SMO: variants seen among roughly 807,000 people sequenced by gnomAD.
SMO encodes protein smoothened.
Under a neutral mutation model 81.6 loss-of-function variants are expected in SMO, and 40 were observed. The ratio of observed to expected loss-of-function variants is 0.49; its 90% CI spans 0.38 to 0.64. The LOEUF is 0.64. Ranked by LOEUF, SMO falls within the 30% of genes least tolerant of loss-of-function variation. The probability of loss-of-function intolerance (pLI) is 0.00; values close to 1 mark genes in which losing one functional copy is unlikely to be tolerated. For synonymous variants in SMO, 434 were observed against 432.1 expected (o/e 1.00, Z -0.05); for missense variants, 916 against 1,061.1 (o/e 0.86, Z 1.90).
Position 129,211,502 on chromosome 7 carries a change from GGT to G in SMO, c.1802-133_1802-132del. On this transcript the variant is annotated intron_variant, in intron 10 of 11. Transcript: ENST00000249373. The surrounding 1 kb of genome is among the most constrained non-coding windows in gnomAD (Gnocchi z 4.6). ...ATTCTGAAGGGGTAGAGATCACCGT[GGT>G]TACAGGGTGAGCTTTCTCTGGTGAG... 1 of 973,338 alleles carries G rather than the reference GGT, an allele frequency of 1.0e-6. No homozygotes were observed. The highest frequency in any genetic ancestry group is 1.6e-6 in the Non-Finnish European group (1 of 617,492). The allele number at this position is 973,338 out of a possible 1,614,324, so 60.3% of individuals were successfully genotyped here.
At chr7:129,199,182 C>CAT in intron 1 of SMO, among the ~76,000 whole-genome samples, 1 of 126,626 alleles carries the variant, frequency 7.9e-6, no homozygotes, top group Admixed American at 8.7e-5. Context: ...ATTTTCTTTT[C>CAT]TTTTTTTTTT....
At chr7:129,205,516 G>A (rs748920078) in intron 3 of SMO, 94 bp from the exon 4 acceptor site, 86 of 1,519,648 alleles carry the variant, frequency 5.7e-5, no homozygotes, top group Non-Finnish European at 7.6e-5. Context: ...CCCCAGGGAA[G>A]GGTCATGATC....
rs1308948991 is a variant in SMO at position 129,189,405 on chromosome 7, A to G, written c.254A>G (p.Tyr85Cys). 13 of 1,537,832 alleles carry G rather than the reference A, an allele frequency of 8.5e-6. No individual in the cohort carries two copies. Among genetic ancestry groups the G allele is most frequent in the Non-Finnish European group, 1.1e-5 (13 of 1,146,714 alleles). Residue 85 changes from tyrosine (Y) to cysteine (C), a missense_variant, in exon 1 of 12, where the codon TAC becomes TGC. By Grantham distance (194) the Tyr-to-Cys change is radical (BLOSUM62 -2). This residue lies in a region of SMO where 146 missense variants were observed against 149.9 expected (regional missense o/e 0.97). Transcript: ENST00000249373. The surrounding 1 kb of genome is among the most constrained non-coding windows in gnomAD (Gnocchi z 4.7). The stretch of plus-strand genomic sequence containing the variant: ...GTGTGCCTGGGCTCGGTGCTGCCCT[A>G]CGGGGCCACCTCCACACTGCTGGCC... ...YNVCLGSVLP[Y>C]GATSTLLAGD... is the part of the protein sequence containing the mutation.
intron 1 of SMO, among the ~76,000 whole-genome samples, chr7:129,190,047 C>G (rs531833869): frequency 6.6e-6 from 1 of 152,270 alleles, no homozygotes; most frequent in South Asian, 2.1e-4. Flanking sequence ...AGGAATGAAG[C>G]CTAGAGAACT....
In SMO at chr7:129,205,829, G is replaced by A. The variant is rs145035157; in HGVS notation, c.920+47G>A. 202 of 1,560,184 alleles carry A rather than the reference G, an allele frequency of 1.3e-4. No homozygotes were observed. In the African/African-American group the frequency reaches 2.2e-3, roughly 17 times the overall value. On this transcript the variant is annotated intron_variant, in intron 4 of 11. Transcript: ENST00000249373. ...AGGTGAAGGTACAGGGAGGAAGGCT[G>A]AAGTGTGCGTTTACCCCAAAGGGAG...
At chr7:129,205,480 G>T in intron 3 of SMO, 68 bp downstream of exon 3, 1 of 1,559,602 alleles carries the variant, frequency 6.4e-7, no homozygotes, top group South Asian at 1.1e-5. Flanking sequence ...CAGAGGGAAG[G>T]GGGGCAAAGA....
At position 129,210,952 on chromosome 7, in the gene SMO, C is replaced by T. The variant is rs2150654484; in HGVS notation, c.1653-13C>T. On this transcript the variant is annotated splice_polypyrimidine_tract_variant and intron_variant, in intron 9 of 11. Coordinates refer to ENST00000249373, the MANE Select transcript of SMO (RefSeq NM_005631.5). This position sits in a 1 kb window ranked among gnomAD's most constrained non-coding sequence, Gnocchi z 4.7. ...GCTTCTTCACGCTCCTTCCCTATCC[C>T]TTCTGCTCTCAGGTTGACTGGGCAG... is the stretch of plus-strand genomic sequence containing the variant. 2 of 1,596,958 alleles carry T rather than the reference C, an allele frequency of 1.3e-6. No homozygotes were observed. The highest frequency in any genetic ancestry group is 1.7e-6 in the Non-Finnish European group (2 of 1,171,034).
chr7:129,203,837 G>A (rs1212366329), intron 2 of SMO, among the ~76,000 whole-genome samples: 1 of 152,166 alleles, frequency 6.6e-6, no homozygotes, highest in East Asian at 1.9e-4. Context: ...GCTGTTGGGT[G>A]TTGTGGTGTT....
Position 129,201,475 on chromosome 7 carries a change from A to G in SMO, c.332-1909A>G, listed in dbSNP as rs115594857. On this transcript the variant is annotated intron_variant, in intron 1 of 11. Coordinates refer to ENST00000249373, the MANE Select transcript of SMO (RefSeq NM_005631.5). ...ATTGACTTTTTCTTGTACAGTTCTA[A>G]GTTTAGACAAACACATAGACTTATG... Among the ~76,000 whole-genome samples the G allele has an allele frequency of 4.7e-3, 714 of 152,290 alleles. 7 individuals are homozygous for G. Among genetic ancestry groups the G allele is most frequent in the African/African-American group, 0.017 (687 of 41,556 alleles).
chr7:129,212,559 G>T lies in SMO; in HGVS notation c.*108G>T. The T allele has an allele frequency of 9.2e-7, 1 of 1,082,078 alleles. No individual in the cohort carries two copies. 67.0% of individuals were successfully genotyped at this position (1,082,078 alleles called of 1,614,324 possible). A position where few individuals can be genotyped will look rare whatever the true frequency, so the allele number is the denominator to read the frequency against. On this transcript the variant is annotated 3_prime_UTR_variant, in exon 12 of 12. Transcript: ENST00000249373. This position sits in a 1 kb window ranked among gnomAD's most constrained non-coding sequence, Gnocchi z 5.0. ...GGATCCCGTCTTCCAGAGAACCTGT[G>T]GGCTGACTGCCCTCCGAAGAGAGTT...
intron 1 of SMO, among the ~76,000 whole-genome samples, chr7:129,197,229 C>A (rs543642229): frequency 6.6e-6 from 1 of 152,070 alleles, no homozygotes; most frequent in Non-Finnish European, 1.5e-5. Context: ...TGAAGGCTTC[C>A]AGTACATTGT....
At position 129,210,575 on chromosome 7, in the gene SMO, C is replaced by T; in HGVS notation, c.1652+27C>T. ...TGGGCATGGCAGCCAGCCCCTCCTG[C>T]CCTGCCCGCCTCACCCTCAGCCTTG... On this transcript the variant is annotated intron_variant, in intron 9 of 11. Coordinates refer to ENST00000249373, the MANE Select transcript of SMO (RefSeq NM_005631.5). The surrounding 1 kb of genome is among the most constrained non-coding windows in gnomAD (Gnocchi z 4.7). The T allele has an allele frequency of 6.4e-7, 1 of 1,568,482 alleles. No homozygotes were observed. The highest frequency in any genetic ancestry group is 8.8e-7 in the Non-Finnish European group (1 of 1,139,628).
chr7:129,202,798 G>T (rs1431680402), intron 1 of SMO, among the ~76,000 whole-genome samples: 1 of 152,158 alleles, frequency 6.6e-6, no homozygotes, highest in Admixed American at 6.5e-5. Flanking sequence ...TCTAGCAAAT[G>T]GGCCCCGTGA....
At chr7:129,209,214 G>A in intron 7 of SMO, 75 bp from the exon 8 acceptor site, 2 of 880,594 alleles carry the variant, frequency 2.3e-6, no homozygotes, top group South Asian at 2.8e-5. Flanking sequence ...GGCCCAGTGG[G>A]GCAGACTCTC....
At chr7:129,207,998 G>C (rs1793802370) in intron 6 of SMO, among the ~76,000 whole-genome samples, 1 of 151,730 alleles carries the variant, frequency 6.6e-6, no homozygotes, top group African/African-American at 2.4e-5. Flanking sequence ...GGAAAAAAAT[G>C]TAAAATATCT....
intron 2 of SMO, among the ~76,000 whole-genome samples, chr7:129,204,883 G>A (rs552128243): frequency 5.8e-4 from 86 of 148,980 alleles, no homozygotes; most frequent in Non-Finnish European, 3.4e-4. Context: ...GGTGGTGGGC[G>A]CCTGTAGTCC....
At chr7:129,190,683 G>C (rs1006983195) in intron 1 of SMO, among the ~76,000 whole-genome samples, 4 of 152,234 alleles carry the variant, frequency 2.6e-5, no homozygotes, top group Non-Finnish European at 5.9e-5. Flanking sequence ...GCTGGAGGAG[G>C]AACTTGGAGG....
chr7:129,207,529 T>C (rs1480649029), intron 6 of SMO, among the ~76,000 whole-genome samples: 2 of 152,198 alleles, frequency 1.3e-5, no homozygotes, highest in Non-Finnish European at 2.9e-5. Context: ...CTTTTTGGCA[T>C]AGTGTCTGGC....
At chr7:129,207,793 T>C (rs1384189573) in intron 6 of SMO, among the ~76,000 whole-genome samples, 5 of 152,038 alleles carry the variant, frequency 3.3e-5, no homozygotes, top group Non-Finnish European at 7.4e-5. Flanking sequence ...TGTGAGAGGC[T>C]GAGGTGGGAG....
Sources: gnomAD v4.1 joint callset for allele counts (sites outside exome capture counted in the v4.1 genomes callset) on GRCh38, gnomAD v4.1.1 for gene constraint, gnomAD v4.1.1 regional missense constraint, Gnocchi (gnomAD v3.1) non-coding constraint, MANE v1.5 for transcripts, NCBI Gene and HGNC (gene_info 2026-07-23, HGNC 2026-07-21) for gene names.